The following MAMDC2 variants were observed in gnomAD, a reference collection of about 807,000 sequenced individuals.
MAMDC2 encodes MAM domain containing 2.
In MAMDC2, 57 loss-of-function variants were observed where a neutral mutation model predicts 89.8. The observed-to-expected ratio is 0.63, with a 90% confidence interval of 0.51 to 0.79. MAMDC2 has a LOEUF of 0.79. MAMDC2 is among the 30% of genes least tolerant of loss of function. The pLI, the probability that MAMDC2 is intolerant of heterozygous loss-of-function variation, is 0.00. For synonymous variants in MAMDC2, 313 were observed against 293.4 expected, an observed-to-expected ratio of 1.07 and a Z score of -0.68; for missense variants, 800 against 820.6, an observed-to-expected ratio of 0.97 and a Z score of 0.31.
At position 70,211,917 on chromosome 9, in the gene MAMDC2, T is replaced by A. The variant is rs192802139; in HGVS notation, c.1652-6420T>A. ...ACTCCAGACTCTGTTTGCCTGGGTA[T>A]CAGCAGCGGAGGCTGCAGAACAGCA... On this transcript the variant is annotated intron_variant, in intron 11 of 13. Transcript: ENST00000377182. Among the ~76,000 whole-genome samples the A allele has an allele frequency of 4.2e-3, 635 of 152,358 alleles. 6 individuals are homozygous for A. The highest frequency in any genetic ancestry group is 0.015 in the African/African-American group (606 of 41,586).
intron 2 of MAMDC2, among the ~76,000 whole-genome samples, chr9:70,050,402 C>G (rs997164375): frequency 6.6e-6 from 1 of 152,182 alleles, no homozygotes; most frequent in African/African-American, 2.4e-5. Flanking sequence ...GCTTAAGCCT[C>G]GTGGTTAGTA....
rs191849052 is a variant in MAMDC2 at position 70,167,583 on chromosome 9, G to A, written c.1405-1119G>A. Among the ~76,000 whole-genome samples, 12 of 152,268 alleles carry A rather than the reference G, an allele frequency of 7.9e-5. No homozygotes were observed. In the South Asian group the frequency reaches 1.5e-3, roughly 18 times the overall value. ...CATGGACTAAATGAGCTTGTGCTACGTAAACATTGTGATACATTCAAAGCA... is the reference window on the plus strand; with the variant it reads ...CATGGACTAAATGAGCTTGTGCTACATAAACATTGTGATACATTCAAAGCA... On this transcript the variant is annotated intron_variant, in intron 9 of 13. Transcript: ENST00000377182.
chr9:70,122,706 T>A (rs2030339205), intron 5 of MAMDC2, among the ~76,000 whole-genome samples: 1 of 152,234 alleles, frequency 6.6e-6, no homozygotes, highest in African/African-American at 2.4e-5. Context: ...CTAGCCTACA[T>A]CATATACCTC....
At chr9:70,166,262 A>AATATATATATAT (rs371331801) in intron 9 of MAMDC2, among the ~76,000 whole-genome samples, 1 of 134,488 alleles carries the variant, frequency 7.4e-6, no homozygotes, top group African/African-American at 2.8e-5. Context: ...ACAAAACAGA[A>AATATATATATAT]ATATATATAT....
chr9:70,166,956 T>C (rs1036646415), intron 9 of MAMDC2, among the ~76,000 whole-genome samples: 1 of 152,124 alleles, frequency 6.6e-6, no homozygotes, highest in Non-Finnish European at 1.5e-5. Flanking sequence ...TAATATTCCT[T>C]CCCATATAAC....
chr9:70,132,616 C>T (rs999006497), intron 7 of MAMDC2, among the ~76,000 whole-genome samples: 1 of 151,784 alleles, frequency 6.6e-6, no homozygotes, highest in Non-Finnish European at 1.5e-5. Flanking sequence ...CACAGCTCAC[C>T]ACAGCCTCAA....
chr9:70,063,277 A>T (rs1045667143), intron 2 of MAMDC2: 1 of 152,146 alleles, frequency 6.6e-6, no homozygotes, highest in Non-Finnish European at 1.5e-5. Flanking sequence ...AAATAGGCAA[A>T]CAACAGTAAG....
intron 7 of MAMDC2, among the ~76,000 whole-genome samples, chr9:70,134,990 G>A (rs569929331): frequency 3.9e-4 from 59 of 152,276 alleles, no homozygotes; most frequent in Admixed American, 3.3e-3. Flanking sequence ...CTGTGGGACC[G>A]ATGTTGAGTT....
chr9:70,168,475 G>T (rs949755045), intron 9 of MAMDC2: 15 of 430,908 alleles, frequency 3.5e-5, no homozygotes, highest in Admixed American at 1.8e-4. Context: ...CTTGGCGACA[G>T]AGCGAGACTC....
At chr9:70,147,320 T>C (rs2031437319) in intron 9 of MAMDC2, among the ~76,000 whole-genome samples, 1 of 150,260 alleles carries the variant, frequency 6.7e-6, no homozygotes, top group South Asian at 2.1e-4. Context: ...GTTTTTCTGA[T>C]GGTTTTTCTT....
intron 2 of MAMDC2, among the ~76,000 whole-genome samples, chr9:70,066,239 G>C (rs1249301119): frequency 6.6e-6 from 1 of 152,170 alleles, no homozygotes; most frequent in East Asian, 1.9e-4. Flanking sequence ...TCCAGGCAGA[G>C]GGGAAAGCAA....
intron 2 of MAMDC2, among the ~76,000 whole-genome samples, chr9:70,107,166 C>T (rs1263925094): frequency 1.3e-5 from 2 of 151,692 alleles, no homozygotes; most frequent in East Asian, 3.9e-4. Flanking sequence ...CCCCAAAGAC[C>T]CACAGGCAAT....
intron 2 of MAMDC2, 70 bp downstream of exon 2, chr9:70,044,767 A>G (rs553760626): frequency 6.8e-5 from 74 of 1,082,036 alleles, no homozygotes; most frequent in Non-Finnish European, 9.9e-5. Context: ...TTTTTCCCAC[A>G]TGGGTAATGT....
intron 11 of MAMDC2, among the ~76,000 whole-genome samples, chr9:70,173,818 C>T (rs766481285): frequency 1.1e-4 from 17 of 152,190 alleles, no homozygotes; most frequent in Non-Finnish European, 2.1e-4. Context: ...AACCCAGGAA[C>T]TTAGGGCATC....
intron 5 of MAMDC2, among the ~76,000 whole-genome samples, chr9:70,125,540 G>A (rs935314937): frequency 4.6e-5 from 7 of 152,210 alleles, no homozygotes; most frequent in Non-Finnish European, 8.8e-5. Context: ...ACAAAGACCT[G>A]CCAAGAGTGG....
At chr9:70,061,592 A>T (rs751940099) in intron 2 of MAMDC2, among the ~76,000 whole-genome samples, 17 of 152,206 alleles carry the variant, frequency 1.1e-4, no homozygotes, top group Admixed American at 3.9e-4. Flanking sequence ...AAAATGAGGC[A>T]TTCTCCTTGG....
chr9:70,218,778 G>A (rs184661074), intron 12 of MAMDC2, among the ~76,000 whole-genome samples, 182 bp downstream of exon 12: 1 of 152,334 alleles, frequency 6.6e-6, no homozygotes, highest in East Asian at 1.9e-4. Context: ...GTGACAGGGA[G>A]AGAAAGCTTT....
intron 9 of MAMDC2, among the ~76,000 whole-genome samples, chr9:70,156,950 T>C (rs2031783940): frequency 6.6e-6 from 1 of 152,164 alleles, no homozygotes. Context: ...TACACGAACA[T>C]AGTGTTTATG....
intron 2 of MAMDC2, among the ~76,000 whole-genome samples, chr9:70,046,297 T>TACAC (rs147078114): frequency 4.6e-5 from 7 of 152,118 alleles, no homozygotes; most frequent in African/African-American, 1.7e-4. Flanking sequence ...ACAGTCTGTG[T>TACAC]ACACACACAC....
Sources: gnomAD v4.1 joint callset for allele counts (sites outside exome capture counted in the v4.1 genomes callset) on GRCh38, gnomAD v4.1.1 for gene constraint, MANE v1.5 for transcripts, NCBI Gene and HGNC (gene_info 2026-07-23, HGNC 2026-07-21) for gene names.